Variants in TIAM2 observed in about 807,000 individuals in gnomAD.
TIAM2 encodes TIAM Rac1 associated GEF 2.
In TIAM2, 80 loss-of-function variants were observed where a neutral mutation model predicts 152.9. The observed-to-expected ratio is 0.52, with a 90% confidence interval of 0.44 to 0.63. The LOEUF (loss-of-function observed/expected upper bound fraction) is 0.63. Among genes scored for constraint, TIAM2 ranks in the 30% least tolerant of loss-of-function variants. The pLI is 0.00. For missense variants in TIAM2, 1,965 were observed against 2,120.1 expected (o/e 0.93, Z 1.44); for synonymous variants, 804 against 838.0 (o/e 0.96, Z 0.70).
At chr6:155,022,829 G>C (rs530264199) in intron 1 of TIAM2, among the ~76,000 whole-genome samples, 1 of 152,188 alleles carries the variant, frequency 6.6e-6, no homozygotes, top group Non-Finnish European at 1.5e-5. Flanking sequence ...ATATAGGTTC[G>C]AGTTAGTAGG....
intron 1 of TIAM2, among the ~76,000 whole-genome samples, chr6:155,058,254 G>C (rs1259894112): frequency 6.6e-6 from 1 of 152,124 alleles, no homozygotes; most frequent in African/African-American, 2.4e-5. Context: ...TGTATTTCCT[G>C]TTCTTCTAAC....
At position 155,129,222 on chromosome 6, in the gene TIAM2, A is replaced by C; in HGVS notation, c.-2A>C. 6.2e-7 allele frequency: 1 copy of C among 1,610,070 alleles called. No homozygotes were observed. The highest frequency in any genetic ancestry group is 8.5e-7 in the Non-Finnish European group (1 of 1,176,658). On this transcript the variant is annotated 5_prime_UTR_variant, in exon 4 of 27. Coordinates refer to ENST00000682666, the MANE Select transcript of TIAM2 (RefSeq NM_012454.4). The surrounding 1 kb of genome is among the most constrained non-coding windows in gnomAD (Gnocchi z 4.8). ...ATGCAACTGTTCTTAATTTAGGTTA[A>C]AATGGGCAACTCCGACAGTCAGTAC...
chr6:155,018,292 T>C (rs1778633621), intron 1 of TIAM2, among the ~76,000 whole-genome samples: 1 of 142,784 alleles, frequency 7.0e-6, no homozygotes, highest in Non-Finnish European at 1.5e-5. Context: ...TGTATGTATA[T>C]ATAAATTAAT....
chr6:155,154,759 ACTACC>A, intron 7 of TIAM2, among the ~76,000 whole-genome samples: 1 of 152,208 alleles, frequency 6.6e-6, no homozygotes, highest in South Asian at 2.1e-4. Flanking sequence ...AGGTGGTTGG[ACTACC>A]AGGGGTTGCT....
At chr6:155,110,317 TC>T (rs1380624361) in intron 2 of TIAM2, among the ~76,000 whole-genome samples, 52 of 112,500 alleles carry the variant, frequency 4.6e-4, no homozygotes, top group African/African-American at 1.6e-3. Flanking sequence ...CTCTTTCTTT[TC>T]TTTTTTTTTT....
intron 19 of TIAM2, 78 bp from the exon 20 acceptor site, chr6:155,247,922 A>G (rs2115337411): frequency 2.7e-6 from 4 of 1,498,252 alleles, no homozygotes; most frequent in Non-Finnish European, 2.7e-6. Flanking sequence ...TAGATGATCT[A>G]TAAATGTTAA....
At chr6:155,121,105 A>G (rs1779138926) in intron 2 of TIAM2, among the ~76,000 whole-genome samples, 1 of 151,932 alleles carries the variant, frequency 6.6e-6, no homozygotes. Context: ...AAATTTATCT[A>G]TATATAATAT....
intron 1 of TIAM2, among the ~76,000 whole-genome samples, chr6:155,045,119 C>T (rs545079537): frequency 1.1e-3 from 163 of 145,348 alleles, no homozygotes; most frequent in Non-Finnish European, 1.6e-3. Context: ...GGCGCGATCT[C>T]GGCTCACTGC....
chr6:155,061,944 T>C (rs1057321189), intron 1 of TIAM2, among the ~76,000 whole-genome samples: 3 of 152,198 alleles, frequency 2.0e-5, no homozygotes, highest in African/African-American at 7.2e-5. Context: ...AGTTCTATCC[T>C]TCAAAAAATT....
chr6:155,254,610 A>G, intron 26 of TIAM2, 37 bp downstream of exon 26: 1 of 1,600,436 alleles, frequency 6.2e-7, no homozygotes, highest in Non-Finnish European at 8.6e-7. Context: ...ATTCAACAAA[A>G]TATTATGAGC....
chr6:155,204,269 T>G (rs1055337912), intron 14 of TIAM2, among the ~76,000 whole-genome samples: 2 of 152,150 alleles, frequency 1.3e-5, no homozygotes, highest in African/African-American at 2.4e-5. Flanking sequence ...AGTACATCCT[T>G]TGTTTTGCTC....
intron 1 of TIAM2, among the ~76,000 whole-genome samples, chr6:155,053,510 C>T (rs1045126433): frequency 5.6e-5 from 8 of 143,904 alleles, no homozygotes; most frequent in African/African-American, 1.8e-4. Flanking sequence ...CTTGCCCCGT[C>T]GTCCAGGCTG....
At chr6:155,195,227 A>G (rs755400182) in intron 14 of TIAM2, among the ~76,000 whole-genome samples, 63 of 152,350 alleles carry the variant, frequency 4.1e-4, no homozygotes, top group Admixed American at 2.4e-3. Flanking sequence ...TTGAGATTGA[A>G]TCCGGGTGCA....
At chr6:155,023,010 T>A (rs1776528119) in intron 1 of TIAM2, among the ~76,000 whole-genome samples, 2 of 149,542 alleles carry the variant, frequency 1.3e-5, no homozygotes, top group Admixed American at 1.4e-4. Flanking sequence ...ACTAGGGCAC[T>A]GAGAGAGAAG....
At chr6:155,185,324 A>G (rs142871146) in intron 14 of TIAM2, among the ~76,000 whole-genome samples, 2,427 of 151,472 alleles carry the variant, frequency 0.016, 36 homozygotes, top group Non-Finnish European at 0.025. Context: ...ATGGGGTTTC[A>G]CCATGTTGGC....
intron 1 of TIAM2, among the ~76,000 whole-genome samples, chr6:155,045,120 G>A (rs553383834): frequency 2.1e-5 from 3 of 144,674 alleles, no homozygotes; most frequent in African/African-American, 5.2e-5. Flanking sequence ...GCGCGATCTC[G>A]GCTCACTGCA....
At chr6:155,172,653 TATATATATATATATATATATATATATA>T (rs1780617336) in intron 9 of TIAM2, among the ~76,000 whole-genome samples, 24 of 15,100 alleles carry the variant, frequency 1.6e-3, no homozygotes, top group Non-Finnish European at 2.2e-3. Flanking sequence ...TATATATATA[TATATATATATATATATATATATATATA>T]TATATATTTT....
chr6:155,066,968 A>G, intron 1 of TIAM2, among the ~76,000 whole-genome samples: 1 of 152,132 alleles, frequency 6.6e-6, no homozygotes, highest in Non-Finnish European at 1.5e-5. Context: ...TATTAGCCAG[A>G]CTGGTCTCAA....
chr6:155,218,580 T>C lies in TIAM2; in HGVS notation c.3168+7273T>C, dbSNP rs577830223. Among the ~76,000 whole-genome samples the C allele has an allele frequency of 6.6e-6, 1 of 152,354 alleles. No homozygotes were observed. Among genetic ancestry groups the C allele is most frequent in the Admixed American group, 6.5e-5 (1 of 15,304 alleles). ...TTGTCAAAGGAATCACGTGAGATTA[T>C]GTCCAACTAGGAGCACTGGAAGCAG... On this transcript the variant is annotated intron_variant, in intron 15 of 26. Coordinates refer to ENST00000682666, the MANE Select transcript of TIAM2 (RefSeq NM_012454.4). This position sits in a 1 kb window ranked among gnomAD's most constrained non-coding sequence, Gnocchi z 4.5.
Sources: allele counts gnomAD v4.1 joint callset (sites outside exome capture counted in the v4.1 genomes callset), GRCh38; gene constraint gnomAD v4.1.1; non-coding constraint Gnocchi (gnomAD v3.1); transcripts MANE v1.5; gene names NCBI Gene and HGNC (gene_info 2026-07-23, HGNC 2026-07-21).